The following RMP24 variants were observed in gnomAD, a reference collection of about 807,000 sequenced individuals.
RMP24 encodes the protein ribonuclease MRP subunit p24, also known as ribonuclease MRP protein subunit p24.
the RMP24 span, among the ~76,000 whole-genome samples, chr18:35,974,166 A>G: frequency 2.6e-5 from 4 of 152,148 alleles, no homozygotes; most frequent in African/African-American, 9.7e-5. Flanking sequence ...TCTGGTCTCT[A>G]TAATATCACT....
the RMP24 span, among the ~76,000 whole-genome samples, chr18:35,978,279 G>A: frequency 6.6e-6 from 1 of 152,240 alleles, no homozygotes; most frequent in South Asian, 2.1e-4. Flanking sequence ...GCACCAGTCT[G>A]TCTGCCTGTC....
At chr18:35,977,112 A>G in the RMP24 span, among the ~76,000 whole-genome samples, 1 of 152,120 alleles carries the variant, frequency 6.6e-6, no homozygotes, top group African/African-American at 2.4e-5. Context: ...GGTCTCAGCT[A>G]CATGGGAGGC....
At chr18:35,977,562 G>A in the RMP24 span, 1 of 1,613,964 alleles carries the variant, frequency 6.2e-7, no homozygotes, top group Non-Finnish European at 8.5e-7. Context: ...ATCATGACAT[G>A]TCTGGCTCGA....
the RMP24 span, chr18:35,977,425 A>C: frequency 6.2e-7 from 1 of 1,610,464 alleles, no homozygotes; most frequent in African/African-American, 1.3e-5. Flanking sequence ...CACTTGTAAA[A>C]CATGCAACAG....
the RMP24 span, among the ~76,000 whole-genome samples, chr18:35,976,306 C>G: frequency 6.6e-6 from 1 of 151,908 alleles, no homozygotes; most frequent in African/African-American, 2.4e-5. Flanking sequence ...CCCACCACCA[C>G]GCCCGGCTGA....
chr18:35,975,158 A>G, the RMP24 span: 2 of 1,400,544 alleles, frequency 1.4e-6, no homozygotes, highest in East Asian at 4.7e-5. Flanking sequence ...ACTTAAAATC[A>G]GTTTAAGAAT....
the RMP24 span, chr18:35,978,781 A>G: frequency 2.0e-6 from 3 of 1,483,144 alleles, no homozygotes; most frequent in African/African-American, 2.8e-5. Context: ...ACAAAAGAGT[A>G]GAAAATGATT....
the RMP24 span, among the ~76,000 whole-genome samples, chr18:35,976,310 C>T: frequency 1.4e-4 from 22 of 151,988 alleles, 1 homozygote; most frequent in African/African-American, 4.3e-4. Flanking sequence ...CCACCACGCC[C>T]GGCTGATTTA....
the RMP24 span, chr18:35,975,037 C>T: frequency 6.2e-7 from 1 of 1,614,060 alleles, no homozygotes; most frequent in South Asian, 1.1e-5. Flanking sequence ...AGAAACTATA[C>T]ACTCAGTTTT....
At chr18:35,975,014 T>TA in the RMP24 span, 1 of 1,614,158 alleles carries the variant, frequency 6.2e-7, no homozygotes, top group East Asian at 2.2e-5. Context: ...AGAAACTTCT[T>TA]AATCGAGAAG....
the RMP24 span, among the ~76,000 whole-genome samples, chr18:35,975,947 G>T: frequency 2.0e-5 from 3 of 152,006 alleles, no homozygotes; most frequent in Non-Finnish European, 4.4e-5. Context: ...TATGGAATTC[G>T]GTTTCTTAGT....
At chr18:35,978,842 A>G in the RMP24 span, 84 of 1,587,868 alleles carry the variant, frequency 5.3e-5, 1 homozygote, top group East Asian at 1.3e-3. Flanking sequence ...CAGAACACCT[A>G]CATCTGGACA....
At chr18:35,977,461 A>G in the RMP24 span, 1 of 1,614,024 alleles carries the variant, frequency 6.2e-7, no homozygotes, top group Non-Finnish European at 8.5e-7. Context: ...TGGTAAAAGT[A>G]GAAGCTTTGT....
the RMP24 span, chr18:35,973,099 T>G: frequency 2.8e-6 from 2 of 705,310 alleles, no homozygotes; most frequent in Middle Eastern, 3.7e-4. Context: ...GTTAGCGGCA[T>G]TTGACACATT....
the RMP24 span, chr18:35,974,928 T>C: frequency 1.2e-6 from 2 of 1,614,192 alleles, no homozygotes; most frequent in Non-Finnish European, 1.7e-6. Context: ...AACGTGTCCA[T>C]ACTGTTTCCA....
the RMP24 span, among the ~76,000 whole-genome samples, chr18:35,978,605 C>G: frequency 5.7e-3 from 864 of 152,024 alleles, 60 homozygotes; most frequent in East Asian, 0.13. Context: ...AGCGAGACTC[C>G]GTCTCCAAAA....
the RMP24 span, chr18:35,974,931 T>C: frequency 9.9e-6 from 16 of 1,614,076 alleles, no homozygotes; most frequent in South Asian, 1.5e-4. Context: ...GTGTCCATAC[T>C]GTTTCCAGCT....
At chr18:35,977,883 A>G in the RMP24 span, among the ~76,000 whole-genome samples, 2 of 152,020 alleles carry the variant, frequency 1.3e-5, no homozygotes, top group African/African-American at 4.8e-5. Flanking sequence ...TTAGTTCATC[A>G]TTGCCCCACA....
At chr18:35,977,737 C>A in the RMP24 span, 2 of 769,034 alleles carry the variant, frequency 2.6e-6, no homozygotes, top group Non-Finnish European at 4.1e-6. Context: ...TTTCTAATGT[C>A]ACATACTCCC....
Sources: allele counts gnomAD v4.1 joint callset (sites outside exome capture counted in the v4.1 genomes callset), GRCh38; gene constraint gnomAD v4.1.1; transcripts MANE v1.5; gene names NCBI Gene and HGNC (gene_info 2026-07-23, HGNC 2026-07-21).